Variants in MTA3 observed in about 807,000 individuals in gnomAD.
MTA3 encodes metastasis-associated protein MTA3.
A neutral mutation model predicts 83.5 loss-of-function variants in MTA3; 34 were observed. That is an observed-to-expected ratio of 0.41 (90% confidence interval 0.31 to 0.54). The LOEUF (loss-of-function observed/expected upper bound fraction) is 0.54. Ranked by LOEUF, MTA3 falls within the 20% of genes least tolerant of loss-of-function variation. MTA3 has a pLI of 0.33. For synonymous variants in MTA3, 303 were observed against 252.7 expected, an observed-to-expected ratio of 1.20 and a Z score of -1.89; for missense variants, 761 against 726.4, an observed-to-expected ratio of 1.05 and a Z score of -0.55.
intron 4 of MTA3, among the ~76,000 whole-genome samples, chr2:42,617,416 AT>A (rs934681747): frequency 6.6e-6 from 1 of 152,220 alleles, no homozygotes; most frequent in African/African-American, 2.4e-5. Context: ...ATATCAAAAA[AT>A]GTTTTGATAT....
At chr2:42,569,205 T>TGGGGGCGGTGGGGGC (rs1437842633) in intron 1 of MTA3, among the ~76,000 whole-genome samples, 1 of 17,308 alleles carries the variant, frequency 5.8e-5, no homozygotes, top group Non-Finnish European at 1.4e-4. Context: ...GGGGTGGGGG[T>TGGGGGCGGTGGGGGC]GGGGGCGGTG....
At chr2:42,627,775 G>A (rs1165416016) in intron 4 of MTA3, among the ~76,000 whole-genome samples, 5 of 130,918 alleles carry the variant, frequency 3.8e-5, no homozygotes, top group Admixed American at 2.8e-4. Context: ...ACATAGTTTC[G>A]CCATGTTGGT....
chr2:42,519,250 A>AT (rs1030909779), intron 2 of MTA3, among the ~76,000 whole-genome samples: 3 of 152,076 alleles, frequency 2.0e-5, no homozygotes, highest in African/African-American at 7.2e-5. Context: ...ACAAATCCCA[A>AT]TAGAGGGACA....
At chr2:42,730,949 C>T (rs943844931) in intron 16 of MTA3, among the ~76,000 whole-genome samples, 1 of 152,042 alleles carries the variant, frequency 6.6e-6, no homozygotes. Context: ...TTGTATGTGT[C>T]TAGGAATGTA....
rs138398523 is a variant in MTA3, at chr2:42,552,296, G to T, written c.-140-18141G>T. Among the ~76,000 whole-genome samples the T allele has an allele frequency of 3.7e-3, 566 of 152,226 alleles. 1 individual carries two copies. The highest frequency in any genetic ancestry group is 6.1e-3 in the Non-Finnish European group (413 of 68,002). ...GCCACAGCCGAGAAGTAAGGGGAGAGGTATGAATCAGATGGGATTTGGTTA... is the reference window on the plus strand; with the variant it reads ...GCCACAGCCGAGAAGTAAGGGGAGATGTATGAATCAGATGGGATTTGGTTA... On this transcript the variant is annotated intron_variant, in intron 2 of 17. Transcript: ENST00000405592.
chr2:42,588,385 C>G (rs530686040), intron 3 of MTA3, among the ~76,000 whole-genome samples: 8 of 152,210 alleles, frequency 5.3e-5, no homozygotes, highest in Non-Finnish European at 7.4e-5. Context: ...ACAAAGCTAC[C>G]GAAATCTCTG....
At chr2:42,705,128 C>T (rs1201453983) in intron 12 of MTA3, among the ~76,000 whole-genome samples, 2 of 152,114 alleles carry the variant, frequency 1.3e-5, no homozygotes, top group Non-Finnish European at 1.5e-5. Flanking sequence ...GAATGAGGGA[C>T]GGCTGTGAGT....
At chr2:42,677,407 A>G (rs565480799) in intron 8 of MTA3, among the ~76,000 whole-genome samples, 6 of 152,108 alleles carry the variant, frequency 3.9e-5, no homozygotes, top group South Asian at 2.1e-4. Flanking sequence ...CAGTGGCGCA[A>G]TCTTGGCTCA....
chr2:42,630,177 C>G (rs1573382601), intron 4 of MTA3, among the ~76,000 whole-genome samples: 1 of 152,190 alleles, frequency 6.6e-6, no homozygotes, highest in Admixed American at 6.5e-5. Context: ...ATCTCTGATA[C>G]TAGAATCAAG....
At chr2:42,569,613 G>A (rs910361896) in intron 1 of MTA3, 2 of 152,184 alleles carry the variant, frequency 1.3e-5, no homozygotes, top group Non-Finnish European at 2.9e-5. Flanking sequence ...CTTTGCAGAA[G>A]AGAGCGGCGA....
At chr2:42,508,796 AAT>A (rs1339386918) in intron 2 of MTA3, among the ~76,000 whole-genome samples, 1 of 147,086 alleles carries the variant, frequency 6.8e-6, no homozygotes, top group East Asian at 1.9e-4. Context: ...TCATAGATTA[AAT>A]ATATTGTAAA....
chr2:42,745,978 T>C, intron 16 of MTA3, among the ~76,000 whole-genome samples: 1 of 151,926 alleles, frequency 6.6e-6, no homozygotes, highest in Non-Finnish European at 1.5e-5. Context: ...CACGCCCAGC[T>C]AATTTTTGTA....
chr2:42,658,930 C>CA (rs1451627692), intron 7 of MTA3, among the ~76,000 whole-genome samples: 7 of 137,334 alleles, frequency 5.1e-5, no homozygotes, highest in African/African-American at 2.0e-4. Flanking sequence ...TTTTAATTAG[C>CA]CAAAAAAAAA....
intron 7 of MTA3, 22 bp from the exon 8 acceptor site, chr2:42,659,741 A>G: frequency 1.3e-6 from 2 of 1,483,152 alleles, no homozygotes; most frequent in Admixed American, 2.3e-5. Context: ...ATTCTTCCTT[A>G]TTGTGTTTGT....
chr2:42,570,014 C>T (rs1678288756), intron 1 of MTA3: 1 of 152,038 alleles, frequency 6.6e-6, no homozygotes, highest in Non-Finnish European at 1.5e-5. Context: ...AGCCTTTCTC[C>T]CTGCTCTGAA....
At chr2:42,513,705 C>A (rs1015001201) in intron 2 of MTA3, among the ~76,000 whole-genome samples, 1 of 152,190 alleles carries the variant, frequency 6.6e-6, no homozygotes, top group Non-Finnish European at 1.5e-5. Flanking sequence ...ACCCACTTGT[C>A]CTGAAGCCCA....
At chr2:42,588,909 C>T (rs1042458270) in intron 3 of MTA3, among the ~76,000 whole-genome samples, 1 of 152,030 alleles carries the variant, frequency 6.6e-6, no homozygotes, top group Non-Finnish European at 1.5e-5. Context: ...GCTGGCTAGG[C>T]AAGTCTGAAA....
At chr2:42,569,460 C>T (rs1394523653) in intron 1 of MTA3, 2 of 152,258 alleles carry the variant, frequency 1.3e-5, no homozygotes, top group East Asian at 3.9e-4. Context: ...TCTCCCTACT[C>T]ACGACGCCCT....
intron 7 of MTA3, among the ~76,000 whole-genome samples, chr2:42,658,402 G>T (rs1689366062): frequency 6.6e-6 from 1 of 152,168 alleles, no homozygotes; most frequent in Admixed American, 6.5e-5. Context: ...CCCCAAACTG[G>T]AAACACATGG....
Sources: gnomAD v4.1 joint callset for allele counts (sites outside exome capture counted in the v4.1 genomes callset) on GRCh38, gnomAD v4.1.1 for gene constraint, MANE v1.5 for transcripts, NCBI Gene and HGNC (gene_info 2026-07-23, HGNC 2026-07-21) for gene names.